Variants in BMPER observed in about 807,000 individuals in gnomAD.
The protein encoded by BMPER is BMP binding endothelial regulator, also known as BMP-binding endothelial regulator protein.
A neutral mutation model predicts 87.3 loss-of-function variants in BMPER; 45 were observed. The ratio of observed to expected loss-of-function variants is 0.52; its 90% CI spans 0.41 to 0.66. BMPER has a LOEUF of 0.66. Ranked by LOEUF, BMPER falls within the 30% of genes least tolerant of loss-of-function variation. The pLI, the probability that BMPER is intolerant of heterozygous loss-of-function variation, is 0.00. For missense variants in BMPER, 784 were observed against 867.5 expected (o/e 0.90, Z 1.21); for synonymous variants, 326 against 316.2 (o/e 1.03, Z -0.33).
chr7:33,948,955 G>A (rs1412489305), intron 3 of BMPER, among the ~76,000 whole-genome samples: 1 of 151,872 alleles, frequency 6.6e-6, no homozygotes, highest in East Asian at 1.9e-4. Flanking sequence ...GAGAGAGAGA[G>A]AAATGAACTC....
chr7:34,026,042 A>G (rs1401969094), intron 6 of BMPER, among the ~76,000 whole-genome samples: 1 of 151,728 alleles, frequency 6.6e-6, no homozygotes, highest in Non-Finnish European at 1.5e-5. Flanking sequence ...ACAATTCTGG[A>G]CTCCCTACTT....
At chr7:34,015,760 G>T (rs1787005328) in intron 6 of BMPER, among the ~76,000 whole-genome samples, 1 of 151,892 alleles carries the variant, frequency 6.6e-6, no homozygotes, top group South Asian at 2.1e-4. Flanking sequence ...AATGTTATGG[G>T]ACTGAATAAT....
intron 13 of BMPER, among the ~76,000 whole-genome samples, chr7:34,115,417 G>T (rs530629236): frequency 6.6e-6 from 1 of 152,132 alleles, no homozygotes; most frequent in Non-Finnish European, 1.5e-5. Flanking sequence ...ACAGCTATGT[G>T]CATATAAAAT....
intron 2 of BMPER, among the ~76,000 whole-genome samples, chr7:33,909,212 T>C (rs1381018366): frequency 6.6e-6 from 1 of 152,130 alleles, no homozygotes; most frequent in Non-Finnish European, 1.5e-5. Context: ...AACTGAGGCA[T>C]AGGGGGCTAA....
intron 2 of BMPER, among the ~76,000 whole-genome samples, chr7:33,922,864 G>A (rs906907280): frequency 3.8e-4 from 58 of 152,172 alleles, no homozygotes; most frequent in African/African-American, 1.2e-3. Context: ...ATTTAGCCTG[G>A]TGAAGATGAT....
intron 11 of BMPER, among the ~76,000 whole-genome samples, chr7:34,072,267 C>G (rs1047956909): frequency 1.3e-5 from 2 of 152,118 alleles, no homozygotes; most frequent in African/African-American, 4.8e-5. Context: ...GCTAAGTGTA[C>G]TAGTTACCTA....
intron 6 of BMPER, among the ~76,000 whole-genome samples, chr7:34,003,254 TA>T (rs535421474): frequency 9.2e-5 from 14 of 151,902 alleles, no homozygotes; most frequent in Admixed American, 2.6e-4. Flanking sequence ...AAGAGAATGT[TA>T]TTTTTTAGCG....
chr7:34,129,882 A>G (rs891779112), intron 13 of BMPER, among the ~76,000 whole-genome samples: 1 of 152,116 alleles, frequency 6.6e-6, no homozygotes, highest in African/African-American at 2.4e-5. Context: ...AGATATTTGG[A>G]TTAGCACCTT....
intron 2 of BMPER, among the ~76,000 whole-genome samples, chr7:33,913,665 A>C (rs1157340585): frequency 6.6e-6 from 1 of 152,208 alleles, no homozygotes; most frequent in African/African-American, 2.4e-5. Context: ...TTTGATAGAA[A>C]GACTCCAAAC....
intron 6 of BMPER, among the ~76,000 whole-genome samples, chr7:33,987,251 T>G (rs1786035725): frequency 6.6e-6 from 1 of 152,174 alleles, no homozygotes; most frequent in Non-Finnish European, 1.5e-5. Flanking sequence ...TGTGGGCCTG[T>G]GAATGGCTTC....
chr7:34,046,290 TTC>T lies in BMPER; in HGVS notation c.577-10_577-9del. On this transcript the variant is annotated splice_polypyrimidine_tract_variant and intron_variant, in intron 6 of 14. Transcript: ENST00000649409. Reference sequence around the variant, plus strand: ...TTACTTTTCTAAATATGCTTTTTTTTTCTCTCTTTTCTTAGGGAGGCAGGACA... The same window carrying T: ...TTACTTTTCTAAATATGCTTTTTTTTTCTCTTTTCTTAGGGAGGCAGGACA... The T allele has an allele frequency of 6.2e-7, 1 of 1,609,436 alleles. No homozygotes were observed. Among genetic ancestry groups the T allele is most frequent in the Non-Finnish European group, 8.5e-7 (1 of 1,175,782 alleles).
chr7:33,981,592 G>C (rs988405094), intron 6 of BMPER, among the ~76,000 whole-genome samples: 1 of 152,194 alleles, frequency 6.6e-6, no homozygotes, highest in Non-Finnish European at 1.5e-5. Flanking sequence ...AATGGTGACT[G>C]TATCTTCTGT....
rs1229693777 is a variant in BMPER at position 34,046,354 on chromosome 7, C to A, written c.625C>A (p.Pro209Thr). ...VREVCPILSC[P>T]QHLSHIPPGQ... ...AGAAGTCTGTCCCATTCTCTCCTGT[C>A]CCCAGCACCTTAGTCACATACCCCC... is the stretch of plus-strand genomic sequence containing the variant. The change falls in exon 7 of 15, where the codon CCC becomes ACC. Residue 209 changes from proline to threonine, a missense_variant. Pro to Thr is a conservative substitution (Grantham distance 38, BLOSUM62 -1). Coordinates refer to ENST00000649409, the MANE Select transcript of BMPER (RefSeq NM_001365308.1). 6.2e-7 allele frequency: 1 copy of A among 1,613,890 alleles called. No individual in the cohort carries two copies. The highest frequency in any genetic ancestry group is 1.3e-5 in the African/African-American group (1 of 74,874).
At chr7:33,982,409 G>A (rs1177502267) in intron 6 of BMPER, among the ~76,000 whole-genome samples, 1 of 151,852 alleles carries the variant, frequency 6.6e-6, no homozygotes, top group Non-Finnish European at 1.5e-5. Flanking sequence ...CCCCAGAGGA[G>A]TTTTCAAAAC....
chr7:33,961,329 C>T (rs1462227858), intron 3 of BMPER, among the ~76,000 whole-genome samples: 1 of 152,156 alleles, frequency 6.6e-6, no homozygotes, highest in Non-Finnish European at 1.5e-5. Context: ...CTTTTGGAAA[C>T]TCTGATCCAA....
In BMPER at chr7:34,055,175, G is replaced by C. The variant is rs1158249762; in HGVS notation, c.799G>C (p.Val267Leu). The C allele has an allele frequency of 6.2e-7, 1 of 1,614,036 alleles. No homozygotes were observed. Among genetic ancestry groups the C allele is most frequent in the East Asian group, 2.2e-5 (1 of 44,876 alleles). The change falls in exon 9 of 15, where the codon GTT (valine) becomes CTT (leucine). Residue 267 changes from valine (V) to leucine (L), a missense_variant. Val to Leu is a conservative substitution (Grantham distance 32). Transcript: ENST00000649409. ...TTTGGGCCCCCAGGACTCTACTGTG[G>C]TTTGCAAGAGGAAGTGCTCCCACCC... ...TACTCRDSTVVCKRKCSHPGG... is the reference protein window; with the variant it reads ...TACTCRDSTVLCKRKCSHPGG...
chr7:34,079,904 G>A (rs372302130), intron 12 of BMPER, among the ~76,000 whole-genome samples: 2 of 152,040 alleles, frequency 1.3e-5, no homozygotes, highest in Admixed American at 1.3e-4. Context: ...AGTGGTCCAC[G>A]AGGCTCAAAC....
chr7:34,128,624 AG>A (rs1790464617), intron 13 of BMPER, among the ~76,000 whole-genome samples: 1 of 152,252 alleles, frequency 6.6e-6, no homozygotes, highest in Non-Finnish European at 1.5e-5. Flanking sequence ...TTAACTTTTA[AG>A]TGGAACATTT....
chr7:34,111,983 A>G (rs1789977924), intron 13 of BMPER, among the ~76,000 whole-genome samples: 1 of 152,228 alleles, frequency 6.6e-6, no homozygotes. Flanking sequence ...AAGTGCTGGA[A>G]TTAAAAAAAA....
Sources: allele counts gnomAD v4.1 joint callset (sites outside exome capture counted in the v4.1 genomes callset), GRCh38; gene constraint gnomAD v4.1.1; transcripts MANE v1.5; gene names NCBI Gene and HGNC (gene_info 2026-07-23, HGNC 2026-07-21).